DYM: variants seen among roughly 807,000 people sequenced by gnomAD.
DYM encodes dymeclin, also known as dyggve-Melchior-Clausen syndrome protein.
In DYM, 78 loss-of-function variants were observed where a neutral mutation model predicts 93.1. The observed-to-expected ratio is 0.84, with a 90% CI of 0.70 to 1.01. DYM has a LOEUF of 1.01. DYM is among the 50% of genes least tolerant of loss of function. The probability of loss-of-function intolerance (pLI) is 0.00; values close to 1 mark genes in which losing one functional copy is unlikely to be tolerated. For synonymous variants in DYM, 321 were observed against 319.7 expected (o/e 1.00, Z -0.04); for missense variants, 789 against 845.0 (o/e 0.93, Z 0.82).
chr18:49,110,447 T>C (rs2081286909), intron 16 of DYM, among the ~76,000 whole-genome samples: 1 of 152,178 alleles, frequency 6.6e-6, no homozygotes, highest in Admixed American at 6.5e-5. Flanking sequence ...AATGTCATTA[T>C]TTTGTATTCA....
chr18:49,130,531 GTTGTT>G (rs1179564648), intron 15 of DYM, among the ~76,000 whole-genome samples: 1 of 151,832 alleles, frequency 6.6e-6, no homozygotes, highest in Non-Finnish European at 1.5e-5. Context: ...ATTCTTTTGA[GTTGTT>G]TGTCAGGAAG....
intron 1 of DYM, among the ~76,000 whole-genome samples, chr18:49,430,857 C>T (rs1340663129): frequency 2.0e-5 from 3 of 148,768 alleles, no homozygotes; most frequent in Non-Finnish European, 4.4e-5. Context: ...TGCACTCCAG[C>T]CTGGCGACAG....
chr18:49,351,113 T>C (rs991074440), intron 6 of DYM, among the ~76,000 whole-genome samples: 7 of 151,844 alleles, frequency 4.6e-5, no homozygotes, highest in Admixed American at 3.3e-4. Context: ...AACATGAGTT[T>C]TAGAGAGACT....
intron 2 of DYM, among the ~76,000 whole-genome samples, chr18:49,395,433 C>T (rs12607884): frequency 0.091 from 13,844 of 151,992 alleles, 840 homozygotes; most frequent in East Asian, 0.31. Context: ...AGTTCAAGAC[C>T]AGCCTGACCA....
intron 16 of DYM, among the ~76,000 whole-genome samples, chr18:49,108,927 TGAA>T (rs2081137170): frequency 1.3e-5 from 2 of 152,350 alleles, no homozygotes; most frequent in African/African-American, 4.8e-5. Flanking sequence ...GTCTCCTTGG[TGAA>T]TTGACTTCTT....
At chr18:49,314,438 G>A (rs1184036655) in intron 8 of DYM, among the ~76,000 whole-genome samples, 1 of 152,146 alleles carries the variant, frequency 6.6e-6, no homozygotes, top group African/African-American at 2.4e-5. Context: ...GTTTCTATAT[G>A]GGCTTCCTGG....
intron 16 of DYM, among the ~76,000 whole-genome samples, chr18:49,115,470 A>C (rs2081846560): frequency 6.6e-6 from 1 of 152,230 alleles, no homozygotes; most frequent in Admixed American, 6.5e-5. Context: ...GACTATCTTT[A>C]AACATTTTTT....
chr18:49,306,170 A>G (rs2061263837), intron 8 of DYM, among the ~76,000 whole-genome samples: 1 of 152,222 alleles, frequency 6.6e-6, no homozygotes, highest in Admixed American at 6.5e-5. Context: ...GAAGAATAGA[A>G]TAAGAAGGTC....
intron 17 of DYM, among the ~76,000 whole-genome samples, chr18:49,064,860 C>T (rs1388865751): frequency 6.6e-6 from 1 of 150,690 alleles, no homozygotes; most frequent in African/African-American, 2.4e-5. Flanking sequence ...GGAATTCAAC[C>T]TCTTTGTTGT....
chr18:49,065,554 G>A (rs997807863), intron 17 of DYM, among the ~76,000 whole-genome samples: 3 of 152,028 alleles, frequency 2.0e-5, no homozygotes, highest in African/African-American at 7.3e-5. Flanking sequence ...TAGAGACAGG[G>A]TTTCTCCATA....
chr18:49,171,892 A>C (rs1253939751), intron 14 of DYM, among the ~76,000 whole-genome samples: 1 of 152,196 alleles, frequency 6.6e-6, no homozygotes, highest in Non-Finnish European at 1.5e-5. Flanking sequence ...AAAACTCACA[A>C]ATTTTAAGTA....
intron 2 of DYM, among the ~76,000 whole-genome samples, chr18:49,403,406 C>T (rs1364065589): frequency 2.6e-5 from 4 of 152,100 alleles, no homozygotes; most frequent in East Asian, 1.9e-4. Context: ...AAGCAACTTA[C>T]ATTTGTATGA....
At chr18:49,179,422 T>G (rs1472222814) in intron 14 of DYM, among the ~76,000 whole-genome samples, 1 of 152,176 alleles carries the variant, frequency 6.6e-6, no homozygotes, top group East Asian at 1.9e-4. Flanking sequence ...CTTGATATAC[T>G]GAGTACTTAA....
At chr18:49,275,280 G>T (rs1440156195) in intron 10 of DYM, among the ~76,000 whole-genome samples, 1 of 152,014 alleles carries the variant, frequency 6.6e-6, no homozygotes, top group Non-Finnish European at 1.5e-5. Flanking sequence ...TTGATGATAG[G>T]TATATGGGTT....
chr18:49,203,288 G>A (rs2092246544), intron 14 of DYM, among the ~76,000 whole-genome samples: 2 of 57,018 alleles, frequency 3.5e-5, no homozygotes, highest in African/African-American at 4.9e-5. Context: ...GGGCGCCTCT[G>A]CCCGGCCGCC....
At chr18:49,202,857 T>G (rs2092148478) in intron 14 of DYM, among the ~76,000 whole-genome samples, 2 of 97,942 alleles carry the variant, frequency 2.0e-5, no homozygotes, top group Non-Finnish European at 4.5e-5. Context: ...ATCTGGGAAG[T>G]GAGGAGCGTC....
intron 15 of DYM, among the ~76,000 whole-genome samples, chr18:49,162,475 A>C (rs912625106): frequency 1.2e-4 from 18 of 152,264 alleles, no homozygotes; most frequent in Middle Eastern, 3.4e-3. Flanking sequence ...TTCCCCTCCT[A>C]TGCTAACCTA....
intron 14 of DYM, among the ~76,000 whole-genome samples, chr18:49,201,018 C>G (rs1264297005): frequency 2.0e-5 from 3 of 152,094 alleles, no homozygotes; most frequent in Non-Finnish European, 4.4e-5. Flanking sequence ...TATGCTATAT[C>G]TTTAGTATAA....
intron 1 of DYM, 116 bp from the exon 2 acceptor site, chr18:49,430,563 A>G (rs1203517976): frequency 3.7e-6 from 3 of 814,658 alleles, no homozygotes; most frequent in Non-Finnish European, 5.6e-6. Context: ...ATTTATAAAT[A>G]TATTAGACAT....
Sources: allele counts gnomAD v4.1 joint callset (sites outside exome capture counted in the v4.1 genomes callset), GRCh38; gene constraint gnomAD v4.1.1; transcripts MANE v1.5; gene names NCBI Gene and HGNC (gene_info 2026-07-23, HGNC 2026-07-21).